The following SPACDR variants were observed in gnomAD, a reference collection of about 807,000 sequenced individuals.
SPACDR encodes the protein uncharacterized protein C7orf61.
At chr7:100,460,746 T>A in the SPACDR span, among the ~76,000 whole-genome samples, 3 of 150,986 alleles carry the variant, frequency 2.0e-5, no homozygotes, top group Non-Finnish European at 3.0e-5. Context: ...GACCTCCCAG[T>A]GGTCCTCTCA....
chr7:100,460,232 G>A, the SPACDR span, among the ~76,000 whole-genome samples: 1 of 150,698 alleles, frequency 6.6e-6, no homozygotes, highest in Middle Eastern at 3.2e-3. Flanking sequence ...TATTTATCTG[G>A]GATAAATGCC....
chr7:100,457,191 C>CG, the SPACDR span, among the ~76,000 whole-genome samples: 2 of 149,592 alleles, frequency 1.3e-5, no homozygotes, highest in African/African-American at 4.9e-5. Flanking sequence ...TTTAATGAGA[C>CG]GGGGTCTTGC....
chr7:100,456,984 G>A, the SPACDR span: 5 of 1,608,112 alleles, frequency 3.1e-6, no homozygotes, highest in African/African-American at 6.7e-5. Context: ...ACTCACTGAT[G>A]ACTGTAAGAG....
chr7:100,457,230 T>C, the SPACDR span, among the ~76,000 whole-genome samples: 7 of 151,806 alleles, frequency 4.6e-5, no homozygotes, highest in Non-Finnish European at 2.9e-5. Flanking sequence ...CTCGAACTCC[T>C]GGGCTCAAGA....
the SPACDR span, among the ~76,000 whole-genome samples, chr7:100,460,402 C>T: frequency 6.6e-6 from 1 of 151,750 alleles, no homozygotes; most frequent in African/African-American, 2.4e-5. Context: ...CTAGCATGGT[C>T]CAATATGGTG....
the SPACDR span, among the ~76,000 whole-genome samples, chr7:100,461,999 A>G: frequency 6.6e-6 from 1 of 150,950 alleles, no homozygotes; most frequent in Non-Finnish European, 1.5e-5. Context: ...AAAAAAAAAA[A>G]AAAAAAGGCC....
At chr7:100,460,140 C>G in the SPACDR span, among the ~76,000 whole-genome samples, 1 of 151,818 alleles carries the variant, frequency 6.6e-6, no homozygotes, top group Non-Finnish European at 1.5e-5. Flanking sequence ...CCACCTGCCT[C>G]GGCCTCCCAA....
At chr7:100,460,051 G>A in the SPACDR span, among the ~76,000 whole-genome samples, 6 of 151,686 alleles carry the variant, frequency 4.0e-5, no homozygotes, top group African/African-American at 7.3e-5. Flanking sequence ...CACCACGCCC[G>A]ACTAATTTTT....
chr7:100,457,647 G>T, the SPACDR span, among the ~76,000 whole-genome samples: 4 of 131,356 alleles, frequency 3.0e-5, no homozygotes, highest in South Asian at 2.5e-4. Flanking sequence ...TTGAGACAAG[G>T]TCTCACTCTG....
the SPACDR span, among the ~76,000 whole-genome samples, chr7:100,462,737 T>A: frequency 1.4e-3 from 212 of 150,550 alleles, 6 homozygotes; most frequent in Admixed American, 0.013. Flanking sequence ...GGCCTTGAAC[T>A]CCTGGCCTCA....
chr7:100,457,801 A>ATGTGTGTGTGTGTGTGTGTGTG, the SPACDR span, among the ~76,000 whole-genome samples: 130 of 74,326 alleles, frequency 1.7e-3, 3 homozygotes, highest in East Asian at 3.9e-3. Flanking sequence ...TTATATATAT[A>ATGTGTGTGTGTGTGTGTGTGTG]TATGTGTGTG....
At chr7:100,459,841 T>C in the SPACDR span, among the ~76,000 whole-genome samples, 4 of 152,124 alleles carry the variant, frequency 2.6e-5, no homozygotes, top group African/African-American at 9.7e-5. Context: ...CTGAAGGACA[T>C]GGGTTGATTT....
the SPACDR span, among the ~76,000 whole-genome samples, chr7:100,459,001 CTT>C: frequency 7.4e-5 from 10 of 135,236 alleles, no homozygotes; most frequent in Admixed American, 7.5e-5. Flanking sequence ...TCCTTTTTAC[CTT>C]TTTTTTTTTT....
the SPACDR span, among the ~76,000 whole-genome samples, chr7:100,457,975 G>A: frequency 2.7e-5 from 4 of 150,822 alleles, no homozygotes; most frequent in Admixed American, 6.7e-5. Flanking sequence ...GAGTCGCCAC[G>A]CTCGGCTTAA....
the SPACDR span, among the ~76,000 whole-genome samples, chr7:100,460,514 C>G: frequency 6.6e-6 from 1 of 151,806 alleles, no homozygotes; most frequent in East Asian, 2.0e-4. Flanking sequence ...TTGCTTGAAC[C>G]TGGCAGGCAG....
At chr7:100,456,719 A>T in the SPACDR span, 25 of 1,404,924 alleles carry the variant, frequency 1.8e-5, no homozygotes, top group Non-Finnish European at 2.0e-5. Context: ...GGTAAGAGTG[A>T]GGTCAGGACT....
At chr7:100,457,670 G>T in the SPACDR span, among the ~76,000 whole-genome samples, 1 of 144,128 alleles carries the variant, frequency 6.9e-6, no homozygotes, top group Non-Finnish European at 1.5e-5. Context: ...ACCCAGGCTG[G>T]AGTGCAGTGG....
At chr7:100,457,014 G>T in the SPACDR span, 1 of 1,547,112 alleles carries the variant, frequency 6.5e-7, no homozygotes. Context: ...ATGTGCATGC[G>T]TAAATAGCTG....
chr7:100,462,314 T>C, the SPACDR span, among the ~76,000 whole-genome samples: 1 of 151,792 alleles, frequency 6.6e-6, no homozygotes, highest in East Asian at 2.0e-4. Flanking sequence ...CCCGGGTTCA[T>C]GCCATTCTCC....
Sources: allele counts gnomAD v4.1 joint callset (sites outside exome capture counted in the v4.1 genomes callset), GRCh38; gene constraint gnomAD v4.1.1; transcripts MANE v1.5; gene names NCBI Gene and HGNC (gene_info 2026-07-23, HGNC 2026-07-21).